Variants in DNAH7 observed in about 807,000 individuals in gnomAD.
DNAH7 encodes axonemal beta dynein heavy chain 7.
A neutral mutation model predicts 444.6 loss-of-function variants in DNAH7; 397 were observed. The ratio of observed to expected loss-of-function variants is 0.89; its 90% CI spans 0.82 to 0.97. DNAH7 has a LOEUF of 0.97. Among genes scored for constraint, DNAH7 ranks in the 50% least tolerant of loss-of-function variants. The pLI, the probability that DNAH7 is intolerant of heterozygous loss-of-function variation, is 0.00. For missense variants in DNAH7, 4,902 were observed against 4,800.8 expected (o/e 1.02, Z -0.62); for synonymous variants, 1,636 against 1,624.4 (o/e 1.01, Z -0.17).
rs776373476 is a variant in DNAH7 at position 195,864,836 on chromosome 2, G to C, written c.6819C>G (p.Phe2273Leu). 4.3e-6 allele frequency: 7 copies of C among 1,614,032 alleles called. No homozygotes were observed. The African/African-American group carries it at 9.3e-5, about 22-fold the overall frequency. Residue 2273 changes from phenylalanine to leucine, a missense_variant, in exon 41 of 65, where the codon TTC becomes TTG. Phe to Leu is a conservative substitution (Grantham distance 22). Coordinates refer to ENST00000312428, the MANE Select transcript of DNAH7 (RefSeq NM_018897.3). ...TGGTATCCTCCCTCTTGGGATCATG[G>C]AAATCACAAAACATTAAGCTGCGTA... is the stretch of plus-strand genomic sequence containing the variant. ...DDLRSLMFCDFHDPKREDTNY... is the reference protein window; with the variant it reads ...DDLRSLMFCDLHDPKREDTNY...
chr2:196,059,981 C>G (rs144848091), intron 1 of DNAH7, among the ~76,000 whole-genome samples: 6,695 of 152,088 alleles, frequency 0.044, 339 homozygotes, highest in African/African-American at 0.12. Flanking sequence ...TTTGGGAGGC[C>G]GAGGTGGGCG....
intron 40 of DNAH7, among the ~76,000 whole-genome samples, chr2:195,867,546 T>C (rs997016475): frequency 6.6e-6 from 1 of 152,180 alleles, no homozygotes; most frequent in Non-Finnish European, 1.5e-5. Flanking sequence ...CAGAACTTTA[T>C]CATCACCCCA....
intron 8 of DNAH7, 122 bp from the exon 9 acceptor site, chr2:196,019,417 C>A (rs1377565558): frequency 3.0e-6 from 2 of 674,884 alleles, no homozygotes; most frequent in Admixed American, 4.1e-5. Context: ...ATCATAATAA[C>A]AAAACAAGCA....
rs756292454 is a variant in DNAH7, at chr2:195,855,900, C to T, written c.8506G>A (p.Ala2836Thr). The change falls in exon 45 of 65, where the codon GCA becomes ACA. Residue 2836 changes from alanine (A) to threonine (T), a missense_variant. Transcript: ENST00000312428. ...IAMDGLRKKQ[A>T]ALKEVQDKLA... ...TTGTCCTGAACTTCCTTAAGGGCTGCCTGCTTCTTTCTAAGACCATCCATG... is the reference window on the plus strand; with the variant it reads ...TTGTCCTGAACTTCCTTAAGGGCTGTCTGCTTCTTTCTAAGACCATCCATG... 4.3e-6 allele frequency: 7 copies of T among 1,614,052 alleles called. No homozygotes were observed. The South Asian group carries it at 5.5e-5, about 13-fold the overall frequency.
chr2:195,757,810 T>G (rs1043262156), intron 61 of DNAH7, among the ~76,000 whole-genome samples: 1 of 152,182 alleles, frequency 6.6e-6, no homozygotes, highest in African/African-American at 2.4e-5. Flanking sequence ...TCATACATAC[T>G]TCTGAAAGTG....
chr2:195,814,638 A>G (rs1697138407), intron 51 of DNAH7, among the ~76,000 whole-genome samples: 1 of 152,224 alleles, frequency 6.6e-6, no homozygotes, highest in South Asian at 2.1e-4. Flanking sequence ...TCTAGTGGTT[A>G]TTGTTATAAG....
chr2:196,019,691 CTTTTAT>C (rs1458656359), intron 8 of DNAH7, among the ~76,000 whole-genome samples: 2 of 152,140 alleles, frequency 1.3e-5, no homozygotes, highest in Non-Finnish European at 1.5e-5. Context: ...TAAAATTCCT[CTTTTAT>C]TTTTATTTTT....
chr2:196,041,843 TCAAA>T (rs1309374070), intron 5 of DNAH7, among the ~76,000 whole-genome samples: 2 of 151,554 alleles, frequency 1.3e-5, no homozygotes, highest in African/African-American at 2.4e-5. Context: ...TATAAGGAAC[TCAAA>T]CAACTCAACA....
At chr2:195,850,982 A>C (rs1183307408) in intron 46 of DNAH7, among the ~76,000 whole-genome samples, 27 of 152,180 alleles carry the variant, frequency 1.8e-4, no homozygotes, top group Admixed American at 1.8e-3. Context: ...AGGACTGCTC[A>C]AGAGGGAAGT....
At chr2:195,872,587 T>C (rs1254578851) in intron 39 of DNAH7, 118 bp from the exon 40 acceptor site, 3 of 541,052 alleles carry the variant, frequency 5.5e-6, no homozygotes, top group African/African-American at 1.9e-5. Context: ...TCAATTTCAT[T>C]TATAAAATTA....
intron 40 of DNAH7, among the ~76,000 whole-genome samples, chr2:195,871,609 C>T (rs868352969): frequency 8.0e-5 from 12 of 150,058 alleles, no homozygotes; most frequent in Middle Eastern, 6.9e-3. Flanking sequence ...AAAAAAAAAA[C>T]CACATTCACT....
chr2:195,938,766 G>A (rs542223814), intron 19 of DNAH7, among the ~76,000 whole-genome samples: 1 of 152,174 alleles, frequency 6.6e-6, no homozygotes, highest in Admixed American at 6.6e-5. Flanking sequence ...AACCAGATTA[G>A]CTTAATAACT....
At chr2:196,044,377 T>G (rs1411055741) in intron 5 of DNAH7, among the ~76,000 whole-genome samples, 1 of 151,466 alleles carries the variant, frequency 6.6e-6, no homozygotes, top group African/African-American at 2.4e-5. Context: ...CACTCATATG[T>G]GGGACCTAAG....
At chr2:195,772,259 G>C (rs1195508995) in intron 60 of DNAH7, among the ~76,000 whole-genome samples, 1 of 152,180 alleles carries the variant, frequency 6.6e-6, no homozygotes, top group Non-Finnish European at 1.5e-5. Flanking sequence ...TTAAAACCCA[G>C]ATGGGGGAAA....
At chr2:195,776,755 A>G (rs1695083807) in intron 59 of DNAH7, among the ~76,000 whole-genome samples, 1 of 152,202 alleles carries the variant, frequency 6.6e-6, no homozygotes, top group African/African-American at 2.4e-5. Flanking sequence ...ACTTCTTTTT[A>G]TGCATACACA....
At chr2:196,005,130 C>T (rs1381858177) in intron 10 of DNAH7, among the ~76,000 whole-genome samples, 3 of 151,060 alleles carry the variant, frequency 2.0e-5, no homozygotes, top group East Asian at 2.0e-4. Context: ...CAAAATTAGC[C>T]GGGTGTGGTG....
intron 48 of DNAH7, among the ~76,000 whole-genome samples, chr2:195,833,262 G>A (rs1357258741): frequency 2.0e-5 from 3 of 152,184 alleles, no homozygotes; most frequent in South Asian, 2.1e-4. Context: ...TAACACGTGT[G>A]CATGTGTCTG....
At chr2:196,063,015 T>C (rs981102583) in intron 1 of DNAH7, among the ~76,000 whole-genome samples, 6 of 152,250 alleles carry the variant, frequency 3.9e-5, no homozygotes, top group South Asian at 2.1e-4. Flanking sequence ...CCCGAGTAGC[T>C]AGGATTACAG....
intron 27 of DNAH7, chr2:195,901,139 T>G (rs1025564183): frequency 3.3e-5 from 5 of 152,150 alleles, no homozygotes; most frequent in African/African-American, 1.2e-4. Context: ...AGAGAGTAGA[T>G]CTTAAGTGTT....
Sources: gnomAD v4.1 joint callset for allele counts (sites outside exome capture counted in the v4.1 genomes callset) on GRCh38, gnomAD v4.1.1 for gene constraint, MANE v1.5 for transcripts, NCBI Gene and HGNC (gene_info 2026-07-23, HGNC 2026-07-21) for gene names.